Variants in MIER1 observed in about 807,000 individuals in gnomAD.
The protein encoded by MIER1 is mesoderm induction early response protein 1.
MIER1 carries 40 observed loss-of-function variants against 75.7 expected under a neutral mutation model. The observed-to-expected ratio is 0.53, with a 90% CI of 0.41 to 0.69. The LOEUF is 0.69. Among genes scored for constraint, MIER1 ranks in the 30% least tolerant of loss-of-function variants. The pLI is 0.00. For missense variants in MIER1, 574 were observed against 680.2 expected (o/e 0.84, Z 1.74); for synonymous variants, 213 against 223.4 (o/e 0.95, Z 0.42).
intron 8 of MIER1, among the ~76,000 whole-genome samples, chr1:66,965,526 A>T (rs530663148): frequency 1.2e-4 from 19 of 152,130 alleles, no homozygotes; most frequent in African/African-American, 4.1e-4. Flanking sequence ...TTAATTTTTA[A>T]TTTTTGTGGG....
intron 2 of MIER1, among the ~76,000 whole-genome samples, chr1:66,934,609 T>C (rs181650563): frequency 2.0e-3 from 297 of 149,572 alleles, no homozygotes; most frequent in African/African-American, 6.9e-3. Flanking sequence ...TCTCGATATG[T>C]TGATCAGACT....
intron 13 of MIER1, among the ~76,000 whole-genome samples, chr1:66,982,396 A>G (rs531197409): frequency 5.3e-5 from 8 of 152,340 alleles, no homozygotes; most frequent in African/African-American, 1.4e-4. Context: ...CAACCTGTAT[A>G]TTAATATTCT....
intron 2 of MIER1, among the ~76,000 whole-genome samples, chr1:66,937,136 A>G: frequency 6.6e-6 from 1 of 152,148 alleles, no homozygotes; most frequent in Non-Finnish European, 1.5e-5. Context: ...AGGAAGAGTC[A>G]GGGTCTAGAC....
Position 66,985,909 on chromosome 1 carries a change from T to G in MIER1, c.*1009T>G, listed in dbSNP as rs181352429. On this transcript the variant is annotated 3_prime_UTR_variant, in exon 14 of 14. Coordinates refer to ENST00000401041, the MANE Select transcript of MIER1 (RefSeq NM_001077700.3). ...ATGATGCTTAGATTGCAGTTTGTTTTGCATTTGCTATAATTTTCAAAATTA... is the reference window on the plus strand; with the variant it reads ...ATGATGCTTAGATTGCAGTTTGTTTGGCATTTGCTATAATTTTCAAAATTA... 1.0e-6 allele frequency: 1 copy of G among 980,540 alleles called. No homozygotes were observed. Among genetic ancestry groups the G allele is most frequent in the African/African-American group, 1.7e-5 (1 of 57,200 alleles). 60.7% of individuals were successfully genotyped at this position (980,540 alleles called of 1,614,324 possible).
In MIER1 at chr1:66,958,814, C is replaced by T. The variant is rs192825141; in HGVS notation, c.502-37C>T. 4,886 of 1,554,340 alleles carry T rather than the reference C, an allele frequency of 3.1e-3. 11 individuals are homozygous for T. The highest frequency in any genetic ancestry group is 4.0e-3 in the Non-Finnish European group (4,559 of 1,139,344). On this transcript the variant is annotated intron_variant, in intron 5 of 13. Coordinates refer to ENST00000401041, the MANE Select transcript of MIER1 (RefSeq NM_001077700.3). The stretch of plus-strand genomic sequence containing the variant: ...TGGTCTTTCATCTGCAACTGTTTTC[C>T]TTACATCTTAGAGAAATTTAATTTA...
intron 3 of MIER1, among the ~76,000 whole-genome samples, chr1:66,945,902 T>C (rs1238387295): frequency 6.6e-6 from 1 of 152,214 alleles, no homozygotes; most frequent in Non-Finnish European, 1.5e-5. Flanking sequence ...CCTGTTCTTA[T>C]TTGATATGAC....
intron 7 of MIER1, 127 bp downstream of exon 7, chr1:66,959,870 T>A (rs1660916429): frequency 4.9e-6 from 2 of 409,930 alleles, no homozygotes; most frequent in Non-Finnish European, 8.8e-6. Flanking sequence ...TTTATGACAT[T>A]TAAATGTTTG....
chr1:66,954,270 T>G (rs1371833477), intron 4 of MIER1, among the ~76,000 whole-genome samples: 5 of 152,236 alleles, frequency 3.3e-5, no homozygotes, highest in Non-Finnish European at 7.3e-5. Flanking sequence ...TAATTTCCCC[T>G]AAATACTTCC....
chr1:66,960,723 C>G (rs1661090244), intron 7 of MIER1, among the ~76,000 whole-genome samples: 1 of 152,112 alleles, frequency 6.6e-6, no homozygotes, highest in African/African-American at 2.4e-5. Flanking sequence ...AAGGTTAGCC[C>G]AGTTTACGGT....
At chr1:66,978,411 G>A (rs1182084870) in intron 12 of MIER1, among the ~76,000 whole-genome samples, 2 of 152,082 alleles carry the variant, frequency 1.3e-5, no homozygotes, top group South Asian at 2.1e-4. Flanking sequence ...AATGGAGTGT[G>A]TACATCATCC....
At chr1:66,952,844 C>T (rs1203422758) in intron 4 of MIER1, among the ~76,000 whole-genome samples, 4 of 152,168 alleles carry the variant, frequency 2.6e-5, no homozygotes, top group African/African-American at 7.2e-5. Flanking sequence ...GGTGTTTCGC[C>T]ATGTTGCCCA....
chr1:66,938,312 A>G (rs911020429), intron 2 of MIER1, among the ~76,000 whole-genome samples: 2 of 152,210 alleles, frequency 1.3e-5, no homozygotes, highest in African/African-American at 2.4e-5. Context: ...TTCTTCAGTA[A>G]CTTGTAATTA....
intron 4 of MIER1, among the ~76,000 whole-genome samples, chr1:66,953,668 A>G (rs1020742108): frequency 6.6e-6 from 1 of 151,224 alleles, no homozygotes; most frequent in Non-Finnish European, 1.5e-5. Context: ...CAGTGACACA[A>G]TCTCAGCTCA....
chr1:66,930,222 G>A (rs2101033412), intron 2 of MIER1: 2 of 1,410,462 alleles, frequency 1.4e-6, no homozygotes, highest in East Asian at 2.9e-5. Flanking sequence ...GGGCGGAGTG[G>A]GGTGTGGTGG....
intron 8 of MIER1, among the ~76,000 whole-genome samples, chr1:66,963,617 G>T (rs1178614591): frequency 6.6e-6 from 1 of 152,092 alleles, no homozygotes; most frequent in African/African-American, 2.4e-5. Flanking sequence ...TTATTAAAAT[G>T]GAGTACTTTG....
In MIER1 at chr1:66,935,183, A is replaced by G. The variant is rs895685987; in HGVS notation, c.169-4845A>G. 1.2e-4 allele frequency among the ~76,000 whole-genome samples: 19 copies of G among 152,184 alleles called. 1 individual carries two copies. Among genetic ancestry groups the G allele is most frequent in the Non-Finnish European group, 1.5e-5 (1 of 68,026 alleles). ...TTATTTCTTTACTCTCTCTCAAATT[A>G]TAGTCTTCTGTTGTATGGGACATTT... is the stretch of plus-strand genomic sequence containing the variant. On this transcript the variant is annotated intron_variant, in intron 2 of 13. Transcript: ENST00000401041.
chr1:66,946,095 T>TTAATATTAA, intron 3 of MIER1, 55 bp from the exon 4 acceptor site: 1 of 1,512,610 alleles, frequency 6.6e-7, no homozygotes, highest in Non-Finnish European at 8.9e-7. Context: ...TACATTAATA[T>TTAATATTAA]TAATAAGATC....
rs1024358222 is a variant in MIER1, at chr1:66,925,489, T to C, written c.67+394T>C. On this transcript the variant is annotated intron_variant, in intron 1 of 13. Coordinates refer to ENST00000401041, the MANE Select transcript of MIER1 (RefSeq NM_001077700.3). ...CTCTTTCTCCTGTATTTCCCTCACTTGTGTCCCATCCCCGGGAGGCTCTCG... is the reference window on the plus strand; with the variant it reads ...CTCTTTCTCCTGTATTTCCCTCACTCGTGTCCCATCCCCGGGAGGCTCTCG... 34 of 985,318 alleles carry C rather than the reference T, an allele frequency of 3.5e-5. No individual in the cohort carries two copies. The South Asian group carries it at 1.5e-3, about 45-fold the overall frequency. 61.0% of individuals were successfully genotyped at this position (985,318 alleles called of 1,614,324 possible).
At chr1:66,962,671 CA>C (rs941770253) in intron 7 of MIER1, among the ~76,000 whole-genome samples, 4 of 151,740 alleles carry the variant, frequency 2.6e-5, no homozygotes, top group Admixed American at 6.6e-5. Context: ...GACCCTGTCT[CA>C]AAAAAACAAA....
Sources: allele counts gnomAD v4.1 joint callset (sites outside exome capture counted in the v4.1 genomes callset), GRCh38; gene constraint gnomAD v4.1.1; transcripts MANE v1.5; gene names NCBI Gene and HGNC (gene_info 2026-07-23, HGNC 2026-07-21).